The following TRAK1 variants were observed in gnomAD, a reference collection of about 807,000 sequenced individuals.
TRAK1 encodes trafficking kinesin protein 1.
In TRAK1, 33 loss-of-function variants were observed where a neutral mutation model predicts 92.1. That is an observed-to-expected ratio of 0.36 (90% CI 0.27 to 0.48). The LOEUF (loss-of-function observed/expected upper bound fraction) is 0.48. Ranked by LOEUF, TRAK1 falls within the 20% of genes least tolerant of loss-of-function variation. The pLI, the probability that TRAK1 is intolerant of heterozygous loss-of-function variation, is 0.99. For missense variants in TRAK1, 1,123 were observed against 1,257.9 expected (o/e 0.89, Z 1.62); for synonymous variants, 521 against 517.3 (o/e 1.01, Z -0.10).
chr3:42,095,246 TCTGAGGTGGGTA>T (rs1233801099), intron 1 of TRAK1, among the ~76,000 whole-genome samples: 2 of 152,156 alleles, frequency 1.3e-5, no homozygotes, highest in Admixed American at 6.5e-5. Flanking sequence ...TCAGCACAGC[TCTGAGGTGGGTA>T]CTGTTACCAC....
chr3:42,063,289 G>C (rs1005226378), intron 1 of TRAK1, among the ~76,000 whole-genome samples: 7 of 152,364 alleles, frequency 4.6e-5, no homozygotes, highest in African/African-American at 1.7e-4. Context: ...GCCAAGCCCT[G>C]CCCTAAGCCA....
chr3:42,017,475 C>T (rs1701570353), intron 1 of TRAK1, among the ~76,000 whole-genome samples: 1 of 152,182 alleles, frequency 6.6e-6, no homozygotes, highest in African/African-American at 2.4e-5. Context: ...ATGAATGGGT[C>T]TTCTGGCTTC....
intron 1 of TRAK1, among the ~76,000 whole-genome samples, chr3:42,052,176 C>T (rs1268223906): frequency 6.6e-6 from 1 of 152,212 alleles, no homozygotes; most frequent in African/African-American, 2.4e-5. Context: ...CTGAACAGTC[C>T]ATTGTGTCAT....
intron 1 of TRAK1, among the ~76,000 whole-genome samples, chr3:42,107,199 A>G (rs1446031606): frequency 6.6e-6 from 1 of 152,180 alleles, no homozygotes. Context: ...ATGTTTTTGG[A>G]CAACAGAAAG....
intron 2 of TRAK1, chr3:42,149,406 A>G: frequency 6.8e-7 from 1 of 1,469,486 alleles, no homozygotes; most frequent in Non-Finnish European, 9.0e-7. Context: ...AAGAATGTAC[A>G]GCCTAATTCT....
chr3:42,092,731 A>G (rs533107833), intron 1 of TRAK1, among the ~76,000 whole-genome samples: 26 of 138,074 alleles, frequency 1.9e-4, no homozygotes, highest in African/African-American at 6.7e-4. Flanking sequence ...ATGTTATGTT[A>G]TGTTATGTTA....
At chr3:42,088,262 CAG>C (rs376838112), upstream of TRAK1, among the ~76,000 whole-genome samples, 58 of 152,292 alleles carry the variant, frequency 3.8e-4, no homozygotes, top group African/African-American at 1.2e-3. Context: ...TCCTGTGTGT[CAG>C]GGGTTTCCTG....
intron 1 of TRAK1, among the ~76,000 whole-genome samples, chr3:42,046,651 C>T (rs181237710): frequency 6.6e-6 from 1 of 152,308 alleles, no homozygotes; most frequent in Admixed American, 6.5e-5. Flanking sequence ...GCTTGGAGCC[C>T]TTCTGAAGGG....
chr3:42,015,962 G>A (rs1392461091), intron 1 of TRAK1, among the ~76,000 whole-genome samples: 4 of 152,066 alleles, frequency 2.6e-5, no homozygotes, highest in African/African-American at 9.7e-5. Flanking sequence ...GCTTGAATCC[G>A]GGAGGCAGAG....
chr3:42,186,683 T>C (rs1009095731), intron 4 of TRAK1, among the ~76,000 whole-genome samples: 2 of 152,206 alleles, frequency 1.3e-5, no homozygotes, highest in Admixed American at 6.5e-5. Context: ...TTCACTATAC[T>C]GTTCTTGCTT....
At chr3:42,111,861 A>G (rs1366823601) in intron 1 of TRAK1, among the ~76,000 whole-genome samples, 1 of 150,938 alleles carries the variant, frequency 6.6e-6, no homozygotes, top group African/African-American at 2.4e-5. Context: ...TTTTACAGGG[A>G]TAAGTATGAA....
At chr3:42,160,577 T>TAAG in intron 2 of TRAK1, 1 of 1,320,498 alleles carries the variant, frequency 7.6e-7, no homozygotes, top group Non-Finnish European at 1.0e-6. Flanking sequence ...TTGTTTTTTT[T>TAAG]TAAGTTGAGG....
chr3:42,115,820 C>G (rs1249216580), intron 1 of TRAK1, among the ~76,000 whole-genome samples: 2 of 152,246 alleles, frequency 1.3e-5, no homozygotes, highest in African/African-American at 4.8e-5. Flanking sequence ...TATCCCTTGT[C>G]CCTTTGTGGC....
intron 1 of TRAK1, among the ~76,000 whole-genome samples, chr3:42,074,676 GTTT>G (rs756876379): frequency 7.1e-6 from 1 of 141,542 alleles, no homozygotes; most frequent in Non-Finnish European, 1.6e-5. Context: ...TCTCAGACTA[GTTT>G]TTTTTTTTTT....
intron 1 of TRAK1, among the ~76,000 whole-genome samples, chr3:42,018,303 G>A (rs1387377406): frequency 6.6e-6 from 1 of 151,664 alleles, no homozygotes; most frequent in Non-Finnish European, 1.5e-5. Flanking sequence ...GAGTCAAAAA[G>A]TGCTCTTAAG....
At chr3:42,206,735 C>T (rs1474042711) in intron 13 of TRAK1, among the ~76,000 whole-genome samples, 1 of 152,254 alleles carries the variant, frequency 6.6e-6, no homozygotes, top group Non-Finnish European at 1.5e-5. Flanking sequence ...CGTCTTTTCA[C>T]ATAATGTTTT....
intron 1 of TRAK1, among the ~76,000 whole-genome samples, chr3:42,119,289 A>G (rs1320489647): frequency 1.3e-5 from 2 of 152,184 alleles, no homozygotes; most frequent in East Asian, 3.8e-4. Flanking sequence ...TTTGAATGAT[A>G]TTTTAAGATG....
intron 1 of TRAK1, among the ~76,000 whole-genome samples, chr3:42,099,765 A>T (rs1279516072): frequency 2.6e-5 from 4 of 152,188 alleles, no homozygotes; most frequent in African/African-American, 9.7e-5. Flanking sequence ...TCAGGTTGTC[A>T]TACCTTCAGG....
intron 1 of TRAK1, among the ~76,000 whole-genome samples, chr3:42,037,394 G>T (rs891275290): frequency 6.6e-6 from 1 of 152,154 alleles, no homozygotes; most frequent in African/African-American, 2.4e-5. Flanking sequence ...AGAGGTCAGG[G>T]GCTTCATCTG....
Sources: allele counts gnomAD v4.1 joint callset (sites outside exome capture counted in the v4.1 genomes callset), GRCh38; gene constraint gnomAD v4.1.1; transcripts MANE v1.5; gene names NCBI Gene and HGNC (gene_info 2026-07-23, HGNC 2026-07-21).